DMBT1: variants seen among roughly 807,000 people sequenced by gnomAD.
DMBT1 encodes the protein scavenger receptor cysteine-rich domain-containing protein DMBT1.
A neutral mutation model predicts 252.9 loss-of-function variants in DMBT1; 198 were observed. That is an observed-to-expected ratio of 0.78 (90% CI 0.70 to 0.88). The LOEUF is 0.88. DMBT1 is among the 40% of genes least tolerant of loss of function. DMBT1 has a pLI of 0.00. For synonymous variants in DMBT1, 990 were observed against 942.7 expected, an observed-to-expected ratio of 1.05 and a Z score of -0.92; for missense variants, 2,432 against 2,404.7, an observed-to-expected ratio of 1.01 and a Z score of -0.24.
At chr10:122,563,931 A>G (rs2097569119) in intron 1 of DMBT1, among the ~76,000 whole-genome samples, 1 of 152,174 alleles carries the variant, frequency 6.6e-6, no homozygotes. Flanking sequence ...TTTGAATGGA[A>G]GGCTCTCTTA....
chr10:122,573,712 CA>C lies in DMBT1; in HGVS notation c.236-2del. On this transcript the variant is annotated splice_acceptor_variant, in intron 5 of 55. Transcript: ENST00000338354. LOFTEE classifies it high-confidence loss of function. ...ATGAGCTCTTCCTTTCTCCACCCTG[CA>C]GGTTCTCTGATTCCCTCAGAGTCAA... The C allele has an allele frequency of 6.2e-7, 1 of 1,613,890 alleles. No homozygotes were observed. The highest frequency in any genetic ancestry group is 8.5e-7 in the Non-Finnish European group (1 of 1,179,826).
At chr10:122,586,031 G>A (rs2097786375) in intron 15 of DMBT1, 29 bp from the exon 16 acceptor site, 3 of 1,587,474 alleles carry the variant, frequency 1.9e-6, no homozygotes, top group African/African-American at 2.7e-5. Context: ...TGATAGGGAT[G>A]GATGAAGGGT....
intron 7 of DMBT1, among the ~76,000 whole-genome samples, chr10:122,577,528 G>A (rs2097723196): frequency 6.6e-6 from 1 of 152,194 alleles, no homozygotes; most frequent in Non-Finnish European, 1.5e-5. Context: ...GTGGCTGTTT[G>A]CTGCTCCCTG....
At chr10:122,621,890 G>A (rs1184505269) in intron 44 of DMBT1, among the ~76,000 whole-genome samples, 1 of 152,200 alleles carries the variant, frequency 6.6e-6, no homozygotes, top group African/African-American at 2.4e-5. Flanking sequence ...GTCTTGGTCA[G>A]TTTCAGCTCC....
intron 16 of DMBT1, among the ~76,000 whole-genome samples, chr10:122,586,928 C>G (rs2097795133): frequency 6.8e-6 from 1 of 148,126 alleles, no homozygotes; most frequent in Non-Finnish European, 1.5e-5. Flanking sequence ...AGGGAGGAAG[C>G]AAGAAAGAGC....
chr10:122,592,615 G>A lies in DMBT1; in HGVS notation c.2500+20G>A. On this transcript the variant is annotated intron_variant, in intron 20 of 55. Coordinates refer to ENST00000338354, the MANE Select transcript of DMBT1 (RefSeq NM_001377530.1). ...GCTCAGGTGGGCCTCCAAGACCTTG[G>A]GCTCCCTCTCCTAGACTGGAGTTTG... 1.3e-6 allele frequency: 2 copies of A among 1,588,128 alleles called. No homozygotes were observed. Among genetic ancestry groups the A allele is most frequent in the African/African-American group, 2.7e-5 (2 of 74,638 alleles).
At chr10:122,561,012 G>C (rs1565494789) in intron 1 of DMBT1, among the ~76,000 whole-genome samples, 181 bp downstream of exon 1, 1 of 151,970 alleles carries the variant, frequency 6.6e-6, no homozygotes, top group Non-Finnish European at 1.5e-5. Context: ...TTTATTTCTG[G>C]CTGAGAAATA....
At chr10:122,636,841 T>C (rs1453766673) in intron 53 of DMBT1, among the ~76,000 whole-genome samples, 2 of 152,244 alleles carry the variant, frequency 1.3e-5, no homozygotes, top group Non-Finnish European at 2.9e-5. Context: ...TATAGATAAA[T>C]GGTAACTTGG....
intron 44 of DMBT1, among the ~76,000 whole-genome samples, chr10:122,623,415 T>A (rs1268652382): frequency 2.0e-5 from 3 of 152,220 alleles, no homozygotes; most frequent in African/African-American, 7.2e-5. Context: ...TTGGGAGATA[T>A]ATACCTAGGA....
Position 122,629,967 on chromosome 10 carries a change from C to A in DMBT1, c.5796C>A (p.Arg1932=), listed in dbSNP as rs772490659. Residue 1932 remains arginine (R), a synonymous_variant, in exon 47 of 56, where the codon CGC becomes CGA. Coordinates refer to ENST00000338354, the MANE Select transcript of DMBT1 (RefSeq NM_001377530.1). The part of the protein sequence containing the change: ...VWEIEVNSGY[R]INLGFSNLKL... ...AAATAGAAGTGAATTCTGGTTATCGCATAAACCTGGGCTTCAGTAATCTGA... is the reference window on the plus strand; with the variant it reads ...AAATAGAAGTGAATTCTGGTTATCGAATAAACCTGGGCTTCAGTAATCTGA... 6.2e-7 allele frequency: 1 copy of A among 1,613,906 alleles called. No individual in the cohort carries two copies. The highest frequency in any genetic ancestry group is 1.1e-5 in the South Asian group (1 of 91,080).
Position 122,618,151 on chromosome 10 carries a change from T to G in DMBT1, c.5026T>G (p.Cys1676Gly). The part of the protein sequence containing the change: ...YWDTNDANVV[C>G]RQLGCGWAMS... ...GGACACCAATGATGCCAACGTGGTC[T>G]GCAGGCAGCTGGGCTGTGGCTGGGC... The change falls in exon 41 of 56, where the codon TGC (cysteine) becomes GGC (glycine). Residue 1676 changes from cysteine to glycine, a missense_variant. Around this residue, in one of 3 missense-constraint regions of DMBT1, gnomAD observed 1,162 missense variants for 1,169.0 expected, o/e 0.99. Coordinates refer to ENST00000338354, the MANE Select transcript of DMBT1 (RefSeq NM_001377530.1). The G allele has an allele frequency of 6.2e-7, 1 of 1,613,982 alleles. No homozygotes were observed. The highest frequency in any genetic ancestry group is 8.5e-7 in the Non-Finnish European group (1 of 1,179,880).
chr10:122,617,097 C>G, intron 39 of DMBT1, 131 bp from the exon 40 acceptor site: 3 of 1,094,874 alleles, frequency 2.7e-6, no homozygotes. Context: ...TGGGAAGACA[C>G]ATGGGAAGCA....
intron 1 of DMBT1, among the ~76,000 whole-genome samples, chr10:122,563,240 C>T (rs1365128028): frequency 1.3e-5 from 2 of 152,182 alleles, no homozygotes; most frequent in East Asian, 1.9e-4. Flanking sequence ...GCTGTGGATC[C>T]TCTGTGACCC....
chr10:122,592,632 T>A, intron 20 of DMBT1, 37 bp downstream of exon 20: 2 of 1,586,558 alleles, frequency 1.3e-6, no homozygotes, highest in Non-Finnish European at 1.7e-6. Context: ...TCTCCTAGAC[T>A]GGAGTTTGCT....
Position 122,579,863 on chromosome 10 carries a change from A to G in DMBT1, c.965A>G (p.Asn322Ser), listed in dbSNP as rs1393986617. 5.0e-6 allele frequency: 8 copies of G among 1,613,712 alleles called. No homozygotes were observed. The highest frequency in any genetic ancestry group is 1.3e-5 in the African/African-American group (1 of 74,916). ...CCCCACAATGGCTGGCTCACCCACAACTGTGGCCATAGTGAAGACGCTGGT... is the reference window on the plus strand; with the variant it reads ...CCCCACAATGGCTGGCTCACCCACAGCTGTGGCCATAGTGAAGACGCTGGT... ...SCPHNGWLTH[N>S]CGHSEDAGVI... Residue 322 changes from asparagine (N) to serine (S), a missense_variant, in exon 10 of 56, where the codon AAC becomes AGC. Asn to Ser is a conservative substitution (Grantham distance 46). Transcript: ENST00000338354.
rs1566029294 is a variant in DMBT1 at position 122,637,130 on chromosome 10, C to T, written c.6760C>T (p.Leu2254=). 1.2e-6 allele frequency: 2 copies of T among 1,613,490 alleles called. No individual in the cohort carries two copies. Among genetic ancestry groups the T allele is most frequent in the Non-Finnish European group, 1.7e-6 (2 of 1,179,718 alleles). Residue 2254 remains leucine (L), a splice_region_variant and synonymous_variant, in exon 54 of 56, where the codon CTG becomes TTG. Transcript: ENST00000338354. ...YSSPSNDSTN[L]LCLPNHMQAS... ...CCTTATCTGTCCTTGTCTATCAGAC[C>T]TGCTCTGTCTGCCAAATCACATGCA...
In DMBT1 at chr10:122,643,276, T is replaced by C; in HGVS notation, c.7507T>C (p.Cys2503Arg). ...VCRAYDPSSR[C>R]YRGCVLRSKR... ...CAGAGCGTATGACCCCTCTTCCCGC[T>C]GCTACCGAGGCTGTGTGTTGAGGTC... Residue 2503 changes from cysteine to arginine, a missense_variant, in exon 56 of 56, where the codon TGC becomes CGC. Around this residue, in one of 3 missense-constraint regions of DMBT1, gnomAD observed 1,162 missense variants for 1,169.0 expected, o/e 0.99. Coordinates refer to ENST00000338354, the MANE Select transcript of DMBT1 (RefSeq NM_001377530.1). The C allele has an allele frequency of 1.2e-6, 2 of 1,613,962 alleles. No individual in the cohort carries two copies. The highest frequency in any genetic ancestry group is 1.7e-6 in the Non-Finnish European group (2 of 1,179,882).
Position 122,590,643 on chromosome 10 carries a change from T to C in DMBT1, c.2108-22T>C. 5 of 1,587,636 alleles carry C rather than the reference T, an allele frequency of 3.1e-6. 1 individual carries two copies. Among genetic ancestry groups the C allele is most frequent in the Non-Finnish European group, 4.3e-6 (5 of 1,165,180 alleles). ...GCCAGCTTCTGTATAGTGCATCTGATCTGACCTCCTCTTTCTCACAGCTGC... is the reference window on the plus strand; with the variant it reads ...GCCAGCTTCTGTATAGTGCATCTGACCTGACCTCCTCTTTCTCACAGCTGC... On this transcript the variant is annotated intron_variant, in intron 17 of 55. Coordinates refer to ENST00000338354, the MANE Select transcript of DMBT1 (RefSeq NM_001377530.1).
At chr10:122,574,694 C>T (rs914483157) in intron 6 of DMBT1, among the ~76,000 whole-genome samples, 1 of 152,178 alleles carries the variant, frequency 6.6e-6, no homozygotes, top group East Asian at 1.9e-4. Context: ...TCTGTTCCTT[C>T]CTCTTGAGTG....
Sources: allele counts gnomAD v4.1 joint callset (sites outside exome capture counted in the v4.1 genomes callset), GRCh38; gene constraint gnomAD v4.1.1; regional missense constraint gnomAD v4.1.1; transcripts MANE v1.5; gene names NCBI Gene and HGNC (gene_info 2026-07-23, HGNC 2026-07-21).